Variants in CSGALNACT1 observed in about 807,000 individuals in gnomAD.
CSGALNACT1 encodes the protein chondroitin sulfate N-acetylgalactosaminyltransferase 1.
Under a neutral mutation model 51.0 loss-of-function variants are expected in CSGALNACT1, and 52 were observed. That is an observed-to-expected ratio of 1.02 (90% CI 0.82 to 1.29). CSGALNACT1 has a LOEUF of 1.29. Among genes scored for constraint, CSGALNACT1 ranks in the 50% most tolerant of loss-of-function variants. The pLI is 0.00. For missense variants in CSGALNACT1, 935 were observed against 679.2 expected, an observed-to-expected ratio of 1.38 and a Z score of -4.19; for synonymous variants, 341 against 254.4, an observed-to-expected ratio of 1.34 and a Z score of -3.24.
At chr8:19,609,727 T>C (rs951066447) in intron 1 of CSGALNACT1, among the ~76,000 whole-genome samples, 1 of 152,054 alleles carries the variant, frequency 6.6e-6, no homozygotes, top group Non-Finnish European at 1.5e-5. Flanking sequence ...ACATGAAACC[T>C]TTTCTGGGGA....
chr8:19,709,350 C>A (rs768510120), intron 1 of CSGALNACT1, among the ~76,000 whole-genome samples: 4 of 152,192 alleles, frequency 2.6e-5, no homozygotes, highest in Non-Finnish European at 5.9e-5. Context: ...ATCAGGCCTG[C>A]CTTCAAGGGG....
intron 1 of CSGALNACT1, among the ~76,000 whole-genome samples, chr8:19,694,767 G>T (rs1031074702): frequency 6.6e-6 from 1 of 152,170 alleles, no homozygotes; most frequent in Non-Finnish European, 1.5e-5. Context: ...TTAAGGAAAT[G>T]CAGGCAGCTA....
chr8:19,441,082 T>C (rs1160054093), intron 5 of CSGALNACT1, among the ~76,000 whole-genome samples: 2 of 152,166 alleles, frequency 1.3e-5, no homozygotes, highest in African/African-American at 4.8e-5. Flanking sequence ...TACAACCAAA[T>C]GGAAGAACAT....
At chr8:19,690,409 TTC>T (rs1439858109) in intron 1 of CSGALNACT1, among the ~76,000 whole-genome samples, 2 of 152,168 alleles carry the variant, frequency 1.3e-5, no homozygotes, top group Admixed American at 6.5e-5. Context: ...GGCCTTAACA[TTC>T]TGTTTCTGCT....
chr8:19,494,559 G>T (rs1291539625), intron 4 of CSGALNACT1, among the ~76,000 whole-genome samples: 1 of 152,188 alleles, frequency 6.6e-6, no homozygotes, highest in Non-Finnish European at 1.5e-5. Flanking sequence ...CACTGAGAAT[G>T]CCTAAGTCAC....
chr8:19,421,366 C>T (rs540812676), intron 6 of CSGALNACT1, among the ~76,000 whole-genome samples: 2 of 152,352 alleles, frequency 1.3e-5, no homozygotes, highest in Admixed American at 6.5e-5. Flanking sequence ...GCAGAACCTT[C>T]TGAAATGGGG....
rs578210493 is a variant in CSGALNACT1, at chr8:19,453,306, G to A, written c.851+5120C>T. Among the ~76,000 whole-genome samples, 10 of 152,138 alleles carry A rather than the reference G, an allele frequency of 6.6e-5. No homozygotes were observed. The South Asian group carries it at 8.3e-4, about 13-fold the overall frequency. ...ACATTAGCAGGCACACTGTGTGCTCGGAAAATAAATCAACAGCCAAAATGC... is the reference window on the plus strand; with the variant it reads ...ACATTAGCAGGCACACTGTGTGCTCAGAAAATAAATCAACAGCCAAAATGC... On this transcript the variant is annotated intron_variant, in intron 5 of 9. Coordinates refer to ENST00000454498, the Ensembl canonical transcript of CSGALNACT1.
At chr8:19,666,626 A>C (rs955372441) in intron 1 of CSGALNACT1, among the ~76,000 whole-genome samples, 2 of 151,346 alleles carry the variant, frequency 1.3e-5, no homozygotes, top group African/African-American at 4.9e-5. Flanking sequence ...TCAACCCAGG[A>C]GGCAGAGGTT....
chr8:19,545,552 T>C (rs2086266123), intron 3 of CSGALNACT1, among the ~76,000 whole-genome samples: 2 of 152,124 alleles, frequency 1.3e-5, no homozygotes, highest in South Asian at 4.1e-4. Flanking sequence ...CTTACATTTT[T>C]ATTCCTCCTC....
chr8:19,448,411 T>C (rs573746567), intron 5 of CSGALNACT1, among the ~76,000 whole-genome samples: 1 of 152,318 alleles, frequency 6.6e-6, no homozygotes, highest in East Asian at 1.9e-4. Context: ...GGAAATCCTA[T>C]ATCCGAGAAA....
chr8:19,518,445 T>G (rs1294907191), intron 3 of CSGALNACT1, among the ~76,000 whole-genome samples: 1 of 152,042 alleles, frequency 6.6e-6, no homozygotes, highest in Non-Finnish European at 1.5e-5. Flanking sequence ...ATAATAATAT[T>G]AGGGTGGGGT....
rs549686239 is a variant in CSGALNACT1 at position 19,694,038 on chromosome 8, T to C, written c.-297+63812A>G. ...ATCATCAAATACAGCAATTTTAATCTTTTTTTAAGATTGAATACTATATAC... is the reference window on the plus strand; with the variant it reads ...ATCATCAAATACAGCAATTTTAATCCTTTTTTAAGATTGAATACTATATAC... On this transcript the variant is annotated intron_variant, in intron 1 of 1. Transcript: ENST00000517494. Among the ~76,000 whole-genome samples, 9 of 152,260 alleles carry C rather than the reference T, an allele frequency of 5.9e-5. No homozygotes were observed. In the East Asian group the frequency reaches 1.7e-3, roughly 29 times the overall value.
At chr8:19,548,201 C>T (rs935884326) in intron 3 of CSGALNACT1, among the ~76,000 whole-genome samples, 2 of 152,134 alleles carry the variant, frequency 1.3e-5, no homozygotes, top group African/African-American at 4.8e-5. Flanking sequence ...TGGAATTTTC[C>T]TCAAGGATAG....
chr8:19,697,512 A>C (rs1353635787), intron 1 of CSGALNACT1, among the ~76,000 whole-genome samples: 2 of 152,184 alleles, frequency 1.3e-5, no homozygotes, highest in Non-Finnish European at 2.9e-5. Flanking sequence ...TGGGCACCAA[A>C]TCTCAGGGCC....
At chr8:19,445,113 T>C (rs894738465) in intron 5 of CSGALNACT1, among the ~76,000 whole-genome samples, 1 of 152,146 alleles carries the variant, frequency 6.6e-6, no homozygotes, top group Non-Finnish European at 1.5e-5. Flanking sequence ...TAACGATATG[T>C]TTTGAAACCA....
intron 3 of CSGALNACT1, among the ~76,000 whole-genome samples, chr8:19,547,894 G>C (rs2086860797): frequency 1.3e-5 from 2 of 152,194 alleles, no homozygotes; most frequent in African/African-American, 2.4e-5. Flanking sequence ...GACCCTGAGG[G>C]ATTTGGGTGT....
At chr8:19,749,782 T>C (rs567048294) in intron 1 of CSGALNACT1, among the ~76,000 whole-genome samples, 15 of 152,244 alleles carry the variant, frequency 9.9e-5, no homozygotes, top group African/African-American at 3.4e-4. Context: ...CCTGTGACAA[T>C]AGCTACCCCT....
chr8:19,434,672 T>C (rs2060115283), intron 6 of CSGALNACT1, among the ~76,000 whole-genome samples: 1 of 152,158 alleles, frequency 6.6e-6, no homozygotes, highest in African/African-American at 2.4e-5. Context: ...CTCTGGCAAA[T>C]GCCAGGTGAG....
intron 6 of CSGALNACT1, among the ~76,000 whole-genome samples, chr8:19,425,569 C>A (rs979018057): frequency 6.6e-6 from 1 of 152,152 alleles, no homozygotes; most frequent in Non-Finnish European, 1.5e-5. Flanking sequence ...CTAATCAGAG[C>A]CTCACAAGAG....
Sources: allele counts gnomAD v4.1 joint callset (sites outside exome capture counted in the v4.1 genomes callset), GRCh38; gene constraint gnomAD v4.1.1; transcripts MANE v1.5; gene names NCBI Gene and HGNC (gene_info 2026-07-23, HGNC 2026-07-21).